Variants in SLC6A3 observed in about 807,000 individuals in gnomAD.
SLC6A3 encodes the protein solute carrier family 6 member 3, also known as sodium-dependent dopamine transporter.
SLC6A3 carries 19 observed loss-of-function variants against 70.4 expected under a neutral mutation model. That is an observed-to-expected ratio of 0.27 (90% CI 0.19 to 0.40). The LOEUF is 0.40. Among genes scored for constraint, SLC6A3 ranks in the 10% least tolerant of loss-of-function variants. SLC6A3 has a pLI of 1.00. For missense variants in SLC6A3, 613 were observed against 838.5 expected (o/e 0.73, Z 3.32); for synonymous variants, 368 against 356.6 (o/e 1.03, Z -0.36).
At chr5:1,419,553 T>C (rs1756387296) in intron 6 of SLC6A3, among the ~76,000 whole-genome samples, 1 of 152,248 alleles carries the variant, frequency 6.6e-6, no homozygotes, top group East Asian at 1.9e-4. Context: ...TAACATGCCA[T>C]GGTCCTGCAA....
chr5:1,405,373 TC>T lies in SLC6A3; in HGVS notation c.1599+814del, dbSNP rs1466797599. ...CTCCACGCACGCGGGCCCTGCTGAC[TC>T]CGGGACCAGCCCTTGGTCCATGAGA... is the stretch of plus-strand genomic sequence containing the variant. On this transcript the variant is annotated intron_variant, in intron 12 of 14. Coordinates refer to ENST00000270349, the MANE Select transcript of SLC6A3 (RefSeq NM_001044.5). This position sits in a 1 kb window ranked among gnomAD's most constrained non-coding sequence, Gnocchi z 5.3. 1.3e-5 allele frequency among the ~76,000 whole-genome samples: 2 copies of T among 152,194 alleles called. No homozygotes were observed. The highest frequency in any genetic ancestry group is 4.8e-5 in the African/African-American group (2 of 41,458).
In SLC6A3 at chr5:1,425,540, T is replaced by C. The variant is rs182500127; in HGVS notation, c.654-3526A>G. On this transcript the variant is annotated intron_variant, in intron 4 of 14. Coordinates refer to ENST00000270349, the MANE Select transcript of SLC6A3 (RefSeq NM_001044.5). ...ATGATATAGAAAAATTAACCCAAAA[T>C]GGATAAAAGAGCCAAATATAAGGGC... 4.1e-4 allele frequency among the ~76,000 whole-genome samples: 62 copies of C among 152,136 alleles called. 1 individual carries two copies. The highest frequency in any genetic ancestry group is 3.1e-3 in the Admixed American group (47 of 15,278).
chr5:1,444,248 C>T (rs1376110366), intron 1 of SLC6A3, among the ~76,000 whole-genome samples: 1 of 152,134 alleles, frequency 6.6e-6, no homozygotes, highest in South Asian at 2.1e-4. Flanking sequence ...GCTACATAAA[C>T]CCCCCTGCAA....
intron 4 of SLC6A3, among the ~76,000 whole-genome samples, chr5:1,422,440 CGCTGCCCACAGT>C (rs1179944662): frequency 1.4e-5 from 2 of 143,450 alleles, no homozygotes; most frequent in African/African-American, 2.6e-5. Flanking sequence ...GGGTACCCAC[CGCTGCCCACAGT>C]GCTGCCCACG....
intron 6 of SLC6A3, among the ~76,000 whole-genome samples, chr5:1,418,613 T>C (rs1249146918): frequency 2.0e-5 from 3 of 151,236 alleles, no homozygotes; most frequent in Non-Finnish European, 3.0e-5. Flanking sequence ...CATCCATCCA[T>C]CCACCCATCC....
intron 3 of SLC6A3, among the ~76,000 whole-genome samples, chr5:1,440,479 G>A (rs527468349): frequency 7.9e-5 from 12 of 152,064 alleles, no homozygotes; most frequent in South Asian, 6.2e-4. Flanking sequence ...GATGACAGAC[G>A]GGTGAATAGA....
At chr5:1,420,529 G>C in intron 6 of SLC6A3, 40 bp downstream of exon 6, 1 of 1,611,346 alleles carries the variant, frequency 6.2e-7, no homozygotes, top group South Asian at 1.1e-5. Context: ...GAATGCCAGA[G>C]CCCCTGTGGA....
intron 14 of SLC6A3, among the ~76,000 whole-genome samples, chr5:1,395,020 TGGC>T (rs1755681884): frequency 6.6e-6 from 1 of 152,234 alleles, no homozygotes; most frequent in African/African-American, 2.4e-5. Flanking sequence ...GTTGGCGTGG[TGGC>T]CATGGTGGCC....
rs1412544214 is a variant in SLC6A3, at chr5:1,445,392, G to A, written c.-90C>T. ...CTTTGCACGCGAGTCCTGGCGCCGA[G>A]AGCGTTCCGCGAAGCCTCCCCTCCC... On this transcript the variant is annotated 5_prime_UTR_variant, in exon 1 of 15. Transcript: ENST00000270349. 1 of 159,086 alleles carries A rather than the reference G, an allele frequency of 6.3e-6. No homozygotes were observed. The highest frequency in any genetic ancestry group is 2.4e-5 in the African/African-American group (1 of 41,590). The allele number at this position is 159,086 out of a possible 1,614,324, so 9.9% of individuals were successfully genotyped here.
At chr5:1,439,443 T>G (rs1756920710) in intron 3 of SLC6A3, among the ~76,000 whole-genome samples, 1 of 152,168 alleles carries the variant, frequency 6.6e-6, no homozygotes, top group Admixed American at 6.5e-5. Context: ...AAGCAGCCCA[T>G]TAAGAACGAA....
rs150676310 is a variant in SLC6A3 at position 1,405,153 on chromosome 5, A to G, written c.1599+1035T>C. On this transcript the variant is annotated intron_variant, in intron 12 of 14. Coordinates refer to ENST00000270349, the MANE Select transcript of SLC6A3 (RefSeq NM_001044.5). The surrounding 1 kb of genome is among the most constrained non-coding windows in gnomAD (Gnocchi z 5.3). ...AAGCGCAGTTAACTGGACTTGGAAC[A>G]CTTACGTGCAGCCACACCACGCGGC... Among the ~76,000 whole-genome samples, 648 of 152,332 alleles carry G rather than the reference A, an allele frequency of 4.3e-3. 4 individuals carry two copies. Among genetic ancestry groups the G allele is most frequent in the African/African-American group, 0.014 (562 of 41,586 alleles).
At chr5:1,440,343 AATGGATGGATGG>A (rs577017974) in intron 3 of SLC6A3, among the ~76,000 whole-genome samples, 1 of 151,622 alleles carries the variant, frequency 6.6e-6, no homozygotes, top group Non-Finnish European at 1.5e-5. Flanking sequence ...ATCAATAGAT[AATGGATGGATGG>A]ATGGATGGAT....
chr5:1,443,506 C>T (rs1287795518), intron 1 of SLC6A3, among the ~76,000 whole-genome samples: 1 of 152,164 alleles, frequency 6.6e-6, no homozygotes, highest in Non-Finnish European at 1.5e-5. Context: ...CCCCTGCACC[C>T]CTCCCCACTC....
In SLC6A3 at chr5:1,401,779, G is replaced by A. The variant is rs370055315; in HGVS notation, c.1768-793C>T. ...CGCTGACCTGGGCCCCGCCTCCCAC[G>A]TCCATCCAGCCTCCCAGAGGAGCTC... On this transcript the variant is annotated intron_variant, in intron 13 of 14. Coordinates refer to ENST00000270349, the MANE Select transcript of SLC6A3 (RefSeq NM_001044.5). This position sits in a 1 kb window ranked among gnomAD's most constrained non-coding sequence, Gnocchi z 6.1. 6.6e-6 allele frequency among the ~76,000 whole-genome samples: 1 copy of A among 152,208 alleles called. No homozygotes were observed.
chr5:1,412,279 C>T (rs889906293), intron 8 of SLC6A3, among the ~76,000 whole-genome samples: 3 of 152,202 alleles, frequency 2.0e-5, no homozygotes, highest in East Asian at 1.9e-4. Flanking sequence ...TCCCCTGCCA[C>T]GGGGTCCCGC....
At chr5:1,415,295 C>T (rs1245385855) in intron 7 of SLC6A3, among the ~76,000 whole-genome samples, 8 of 152,074 alleles carry the variant, frequency 5.3e-5, no homozygotes, top group East Asian at 1.9e-4. Flanking sequence ...AAGCCGAGGA[C>T]GAAGAGGGAG....
intron 11 of SLC6A3, among the ~76,000 whole-genome samples, chr5:1,407,410 G>C (rs1756009809): frequency 6.6e-6 from 1 of 152,212 alleles, no homozygotes; most frequent in South Asian, 2.1e-4. Flanking sequence ...AGGCCCCTCG[G>C]CCCCCAGACC....
In SLC6A3 at chr5:1,411,189, G is replaced by C; in HGVS notation, c.1269+54C>G. 7.8e-7 allele frequency: 1 copy of C among 1,276,144 alleles called. No individual in the cohort carries two copies. The highest frequency in any genetic ancestry group is 1.1e-6 in the Non-Finnish European group (1 of 898,354). The allele number at this position is 1,276,144 out of a possible 1,614,324, so 79.1% of individuals were successfully genotyped here. A position where few individuals can be genotyped will look rare whatever the true frequency, so the allele number is the denominator to read the frequency against. On this transcript the variant is annotated intron_variant, in intron 9 of 14. Transcript: ENST00000270349. The surrounding 1 kb of genome is among the most constrained non-coding windows in gnomAD (Gnocchi z 6.5). ...AGCCCTGGGAGGGCAGGGCCCCCTCGGGTGGAAGGAACCCAACTGCCGAGG... is the reference window on the plus strand; with the variant it reads ...AGCCCTGGGAGGGCAGGGCCCCCTCCGGTGGAAGGAACCCAACTGCCGAGG...
At chr5:1,439,445 A>T in intron 3 of SLC6A3, among the ~76,000 whole-genome samples, 1 of 152,188 alleles carries the variant, frequency 6.6e-6, no homozygotes, top group Non-Finnish European at 1.5e-5. Context: ...GCAGCCCATT[A>T]AGAACGAATG....
Sources: gnomAD v4.1 joint callset for allele counts (sites outside exome capture counted in the v4.1 genomes callset) on GRCh38, gnomAD v4.1.1 for gene constraint, Gnocchi (gnomAD v3.1) non-coding constraint, MANE v1.5 for transcripts, NCBI Gene and HGNC (gene_info 2026-07-23, HGNC 2026-07-21) for gene names.